ZBED6: variants seen among roughly 807,000 people sequenced by gnomAD.
The protein encoded by ZBED6 is zinc finger BED-type containing 6.
In ZBED6, 40 loss-of-function variants were observed where a neutral mutation model predicts 58.4. That is an observed-to-expected ratio of 0.68 (90% CI 0.53 to 0.89). The LOEUF (loss-of-function observed/expected upper bound fraction) is 0.89, where lower values mean the gene tolerates loss of function less well. Ranked by LOEUF, ZBED6 falls within the 40% of genes least tolerant of loss-of-function variation. The probability of loss-of-function intolerance (pLI) is 0.00; values close to 1 mark genes in which losing one functional copy is unlikely to be tolerated. For missense variants in ZBED6, 1,057 were observed against 1,003.9 expected (o/e 1.05, Z -0.71); for synonymous variants, 439 against 350.6 (o/e 1.25, Z -2.82).
chr1:203,803,522 A>G (rs986413168), intron 1 of ZBED6, among the ~76,000 whole-genome samples: 4 of 152,164 alleles, frequency 2.6e-5, no homozygotes, highest in Non-Finnish European at 4.4e-5. Context: ...TTGATAATAT[A>G]TGTACATTGT....
chr1:203,836,436 A>G (rs1358671472), intron 9 of ZBED6, among the ~76,000 whole-genome samples: 4 of 152,198 alleles, frequency 2.6e-5, no homozygotes, highest in African/African-American at 9.6e-5. Flanking sequence ...ACTTTTAAAC[A>G]ACTTGTATTG....
In ZBED6 at chr1:203,830,215, C is replaced by G. The variant is rs12239438; in HGVS notation, c.*3399+12C>G. On this transcript the variant is annotated intron_variant, in intron 7 of 16. Coordinates refer to ENST00000550078, the Ensembl canonical transcript of ZBED6. The stretch of plus-strand genomic sequence containing the variant: ...TAAGAAGCAAGGTGGTAAGTCATCA[C>G]GTTTTGGCATGGATAGTTGTATGTT... The G allele has an allele frequency of 1.9e-6, 3 of 1,584,924 alleles. No individual in the cohort carries two copies. The African/African-American group carries it at 4.1e-5, about 22-fold the overall frequency.
exon 17 of ZBED6, chr1:203,853,032 T>C (rs1689599510): frequency 6.6e-6 from 1 of 152,442 alleles, no homozygotes; most frequent in Non-Finnish European, 1.5e-5. Context: ...AATATCTAAT[T>C]TATTATTACT....
intron 11 of ZBED6, among the ~76,000 whole-genome samples, chr1:203,841,420 A>C (rs995904247): frequency 6.6e-6 from 1 of 151,878 alleles, no homozygotes; most frequent in East Asian, 1.9e-4. Flanking sequence ...GCCCTTAATC[A>C]ATTTAACCCT....
intron 3 of ZBED6, among the ~76,000 whole-genome samples, chr1:203,824,801 C>T (rs114878060): frequency 0.019 from 2,965 of 152,126 alleles, 100 homozygotes; most frequent in African/African-American, 0.063. Context: ...ATTGTTAGGC[C>T]GGACACGGTG....
intron 4 of ZBED6, 103 bp from the exon 5 acceptor site, chr1:203,829,348 T>C: frequency 1.7e-6 from 2 of 1,161,512 alleles, no homozygotes; most frequent in Non-Finnish European, 1.3e-6. Context: ...GTATAAATGC[T>C]CATAAGACAA....
chr1:203,814,657 T>C (rs1391970700), intron 1 of ZBED6, among the ~76,000 whole-genome samples: 1 of 152,220 alleles, frequency 6.6e-6, no homozygotes, highest in Non-Finnish European at 1.5e-5. Flanking sequence ...TCTAGGCCTT[T>C]TCTATCAAGT....
At chr1:203,848,200 CAGATGGGCTTT>C (rs2103415017) in intron 12 of ZBED6, 120 bp from the exon 13 acceptor site, 4 of 776,596 alleles carry the variant, frequency 5.2e-6, no homozygotes, top group South Asian at 1.8e-5. Context: ...TTTAGGAGCA[CAGATGGGCTTT>C]ATCTGTAATT....
chr1:203,828,041 T>A (rs1047760195), intron 3 of ZBED6, among the ~76,000 whole-genome samples: 2 of 120,698 alleles, frequency 1.7e-5, no homozygotes, highest in South Asian at 3.0e-4. Context: ...TTCTCTAAAT[T>A]AAGTGTAGAC....
At chr1:203,841,831 T>C (rs1467685111) in intron 11 of ZBED6, among the ~76,000 whole-genome samples, 7 of 143,816 alleles carry the variant, frequency 4.9e-5, no homozygotes, top group Non-Finnish European at 9.4e-5. Context: ...GAGGGGCTCC[T>C]CACTTCGCAG....
At chr1:203,836,241 A>G (rs1684283158) in intron 9 of ZBED6, among the ~76,000 whole-genome samples, 1 of 152,212 alleles carries the variant, frequency 6.6e-6, no homozygotes, top group Admixed American at 6.5e-5. Flanking sequence ...AAAAGTTCTT[A>G]AAATATAGAA....
exon 1 of ZBED6, chr1:203,798,773 G>T: frequency 1.3e-6 from 2 of 1,536,132 alleles, no homozygotes; most frequent in South Asian, 1.2e-5. Context: ...TTATCCAAAT[G>T]ATTGTGGAGG....
intron 11 of ZBED6, among the ~76,000 whole-genome samples, chr1:203,841,134 A>C (rs1686010188): frequency 6.7e-6 from 1 of 150,102 alleles, no homozygotes. Context: ...TTAGGGCAAC[A>C]TAAGAATCTT....
At chr1:203,844,759 A>G (rs1161489435) in intron 11 of ZBED6, among the ~76,000 whole-genome samples, 1 of 152,136 alleles carries the variant, frequency 6.6e-6, no homozygotes, top group Non-Finnish European at 1.5e-5. Flanking sequence ...TACAATTGCC[A>G]CAGTAAGACT....
At chr1:203,829,246 T>A (rs980910608) in intron 4 of ZBED6, 14 of 600,572 alleles carry the variant, frequency 2.3e-5, no homozygotes, top group Non-Finnish European at 3.2e-5. Context: ...CCACTTTGTG[T>A]TTATGTACAG....
At chr1:203,796,551 C>G (rs1668567021) in exon 1 of ZBED6, 1 of 398,574 alleles carries the variant, frequency 2.5e-6, no homozygotes, top group Non-Finnish European at 4.4e-6. Flanking sequence ...GGCCTTGGTT[C>G]TGGACCTTGA....
intron 12 of ZBED6, among the ~76,000 whole-genome samples, 178 bp from the exon 13 acceptor site, chr1:203,848,153 C>T (rs750032425): frequency 3.9e-5 from 6 of 152,142 alleles, no homozygotes; most frequent in Non-Finnish European, 8.8e-5. Context: ...CCACCATGCC[C>T]GGCCAACCTT....
intron 4 of ZBED6, 111 bp from the exon 5 acceptor site, chr1:203,829,340 A>G (rs1300813426): frequency 9.2e-7 from 1 of 1,088,564 alleles, no homozygotes; most frequent in Non-Finnish European, 1.3e-6. Context: ...GAAATTTAGT[A>G]TAAATGCTCA....
intron 9 of ZBED6, 184 bp downstream of exon 9, chr1:203,834,037 A>C (rs1400563090): frequency 7.9e-7 from 1 of 1,267,460 alleles, no homozygotes; most frequent in African/African-American, 1.5e-5. Flanking sequence ...AGAGATTTAA[A>C]GTGTTACAAT....
Sources: gnomAD v4.1 joint callset for allele counts (sites outside exome capture counted in the v4.1 genomes callset) on GRCh38, gnomAD v4.1.1 for gene constraint, MANE v1.5 for transcripts, NCBI Gene and HGNC (gene_info 2026-07-23, HGNC 2026-07-21) for gene names.